PCSK4: variants seen among roughly 807,000 people sequenced by gnomAD.
PCSK4 encodes the protein proprotein convertase subtilisin/kexin type 4.
PCSK4 carries 64 observed loss-of-function variants against 80.3 expected under a neutral mutation model. That is an observed-to-expected ratio of 0.80 (90% CI 0.65 to 0.98). The LOEUF is 0.98. Among genes scored for constraint, PCSK4 ranks in the 50% least tolerant of loss-of-function variants. The pLI is 0.00. For missense variants in PCSK4, 1,213 were observed against 1,093.6 expected (o/e 1.11, Z -1.54); for synonymous variants, 561 against 487.6 (o/e 1.15, Z -1.98).
In PCSK4 at chr19:1,487,174, G is replaced by A. The variant is rs142753922; in HGVS notation, c.822C>T (p.Leu274=). 719 of 1,607,304 alleles carry A rather than the reference G, an allele frequency of 4.5e-4. 4 individuals carry two copies. In the African/African-American group the frequency reaches 7.2e-3, roughly 16 times the overall value. Residue 274 remains leucine (L), a synonymous_variant, in exon 7 of 15, where the codon CTC becomes CTT. Coordinates refer to ENST00000300954, the Ensembl canonical transcript of PCSK4. Reference sequence around the variant, plus strand: ...CACCACGCCGGAAGGCCTCGCGGGTGAGGATGCCGGGGCCGTCCACCGTGC... The same window carrying A: ...CACCACGCCGGAAGGCCTCGCGGGTAAGGATGCCGGGGCCGTCCACCGTGC...
chr19:1,483,706 G>C lies in PCSK4; in HGVS notation c.1335C>G (p.Thr445=), dbSNP rs780243044. The change falls in exon 11 of 15, where the codon ACC becomes ACG. Residue 445 remains threonine (T), a synonymous_variant. Coordinates refer to ENST00000300954, the Ensembl canonical transcript of PCSK4. ...TCCTCTGCGGCTGGGTGGGCAGCCA[G>C]GTGCGGGCGGTGTCCACCAGCAGCC... 14 of 1,596,294 alleles carry C rather than the reference G, an allele frequency of 8.8e-6. No individual in the cohort carries two copies. In the East Asian group the frequency reaches 2.9e-4, roughly 33 times the overall value.
intron 13 of PCSK4, 132 bp from the exon 14 acceptor site, chr19:1,482,607 G>C: frequency 8.7e-7 from 1 of 1,147,024 alleles, no homozygotes; most frequent in Non-Finnish European, 1.2e-6. Flanking sequence ...TCAGGGAATT[G>C]CACACCTACT....
chr19:1,484,983 A>G (rs1021893958), intron 8 of PCSK4, among the ~76,000 whole-genome samples: 10 of 149,918 alleles, frequency 6.7e-5, no homozygotes, highest in Admixed American at 4.6e-4. Context: ...CCGTCTCTAC[A>G]GGAAAAATAC....
intron 1 of PCSK4, 41 bp from the exon 2 acceptor site, chr19:1,489,938 T>C: frequency 1.9e-6 from 3 of 1,567,370 alleles, no homozygotes; most frequent in Non-Finnish European, 2.6e-6. Context: ...GGGACCCGGC[T>C]CCCCTGCTGA....
At chr19:1,485,240 A>T (rs2145369895) in intron 8 of PCSK4, among the ~76,000 whole-genome samples, 1 of 152,292 alleles carries the variant, frequency 6.6e-6, no homozygotes, top group Non-Finnish European at 1.5e-5. Flanking sequence ...GAGCCTGGCC[A>T]ACATGGTGAA....
rs761858955 is a variant in PCSK4, at chr19:1,483,735, C to T, written c.1306G>A (p.Ala436Thr). 12 of 1,593,802 alleles carry T rather than the reference C, an allele frequency of 7.5e-6. No homozygotes were observed. Among genetic ancestry groups the T allele is most frequent in the Admixed American group, 1.7e-5 (1 of 59,708 alleles). The change falls in exon 11 of 15, where the codon GCC becomes ACC. Residue 436 changes from alanine to threonine, a missense_variant. Transcript: ENST00000300954. Reference sequence around the variant, plus strand: ...CGGGCGGTGTCCACCAGCAGCCCGGCGTCCAGCAGCCCGTATCCGTAGTGA... The same window carrying T: ...CGGGCGGTGTCCACCAGCAGCCCGGTGTCCAGCAGCCCGTATCCGTAGTGA...
exon 13 of PCSK4, chr19:1,483,016 A>G (rs2084386998): frequency 3.2e-6 from 2 of 622,178 alleles, no homozygotes; most frequent in African/African-American, 2.0e-5. Flanking sequence ...CTGACGTCCA[A>G]GGGTCTGGGA....
upstream of PCSK4, chr19:1,490,627 G>C (rs1388946452): frequency 4.8e-6 from 2 of 415,158 alleles, no homozygotes; most frequent in East Asian, 7.6e-5. Flanking sequence ...TCACTGTTGC[G>C]ATAACGCGTC....
In PCSK4 at chr19:1,487,321, G is replaced by A. The variant is rs770926042; in HGVS notation, c.683-8C>T. On this transcript the variant is annotated splice_polypyrimidine_tract_variant and splice_region_variant and intron_variant, in intron 6 of 14. Coordinates refer to ENST00000300954, the Ensembl canonical transcript of PCSK4. ...CGTCCAGCATCCGTACGCCTGCAGA[G>A]CCAGGGCGGGAGGGCCGCTGCCACC... 1 of 1,579,316 alleles carries A rather than the reference G, an allele frequency of 6.3e-7. No homozygotes were observed. Among genetic ancestry groups the A allele is most frequent in the Non-Finnish European group, 8.6e-7 (1 of 1,167,412 alleles).
exon 9 of PCSK4, chr19:1,484,083 G>A: frequency 6.4e-7 from 1 of 1,567,090 alleles, no homozygotes; most frequent in East Asian, 2.4e-5. Flanking sequence ...AGGCCGAGGT[G>A]CCCGTGTGCT....
At chr19:1,484,584 G>A (rs560573727) in intron 8 of PCSK4, among the ~76,000 whole-genome samples, 21 of 151,898 alleles carry the variant, frequency 1.4e-4, no homozygotes, top group African/African-American at 4.3e-4. Flanking sequence ...TTGGGAGGCC[G>A]AGGTGGGTGG....
exon 15 of PCSK4, chr19:1,481,585 A>C: frequency 2.1e-6 from 1 of 482,814 alleles, no homozygotes; most frequent in Non-Finnish European, 3.6e-6. Flanking sequence ...TGCAGAGGAG[A>C]CTTCTCTCTC....
rs372126124 is a variant in PCSK4 at position 1,483,633 on chromosome 19, G to T, written c.1391+17C>A. ...CACCCCCAGCGGGGATAGCGGAGGG[G>T]CGCGCAGGGGTCTCACGTGGGGCGG... is the stretch of plus-strand genomic sequence containing the variant. On this transcript the variant is annotated intron_variant, in intron 11 of 14. Coordinates refer to ENST00000300954, the Ensembl canonical transcript of PCSK4. 1 of 1,554,444 alleles carries T rather than the reference G, an allele frequency of 6.4e-7. No homozygotes were observed. Among genetic ancestry groups the T allele is most frequent in the Non-Finnish European group, 8.7e-7 (1 of 1,149,822 alleles).
exon 8 of PCSK4, chr19:1,486,925 G>A: frequency 6.2e-7 from 1 of 1,604,890 alleles, no homozygotes; most frequent in Non-Finnish European, 8.5e-7. Flanking sequence ...CGCTGTACCA[G>A]GGCACGCGGC....
At chr19:1,486,044 C>T (rs1013002054) in intron 8 of PCSK4, among the ~76,000 whole-genome samples, 4 of 152,106 alleles carry the variant, frequency 2.6e-5, no homozygotes, top group Non-Finnish European at 5.9e-5. Context: ...GCAATCTTGG[C>T]TCACTGCAAC....
exon 7 of PCSK4, chr19:1,487,306 C>G: frequency 1.9e-6 from 3 of 1,589,514 alleles, no homozygotes; most frequent in Non-Finnish European, 2.6e-6. Context: ...CGTCCAGCAT[C>G]CGTACGCCTG....
exon 12 of PCSK4, chr19:1,483,292 C>G (rs755749993): frequency 6.3e-7 from 1 of 1,596,574 alleles, no homozygotes; most frequent in Non-Finnish European, 8.5e-7. Flanking sequence ...ACCGTATGGC[C>G]ACGAGTGTGG....
rs374231930 is a variant in PCSK4 at position 1,481,863 on chromosome 19, G to A, written c.2164C>T (p.Pro722Ser). Residue 722 changes from proline (P) to serine (S), a missense_variant, in exon 15 of 15, where the codon CCC (proline) becomes TCC (serine). Pro to Ser is a moderately conservative substitution (Grantham distance 74, BLOSUM62 -1). Transcript: ENST00000300954. Reference sequence around the variant, plus strand: ...TCCATGGACATGCCGCAGAGGACGGGGCCTCCGAGGGTCACGGCCAGGAGG... The same window carrying A: ...TCCATGGACATGCCGCAGAGGACGGAGCCTCCGAGGGTCACGGCCAGGAGG... 2.0e-5 allele frequency: 32 copies of A among 1,584,526 alleles called. No homozygotes were observed. In the African/African-American group the frequency reaches 3.5e-4, roughly 17 times the overall value.
At chr19:1,483,676 G>A (rs368806039) in exon 11 of PCSK4, 21 of 1,595,758 alleles carry the variant, frequency 1.3e-5, no homozygotes, top group Non-Finnish European at 1.8e-5. Context: ...CCCGGACGGC[G>A]CACTTCCTCT....
Sources: allele counts gnomAD v4.1 joint callset (sites outside exome capture counted in the v4.1 genomes callset), GRCh38; gene constraint gnomAD v4.1.1; transcripts MANE v1.5; gene names NCBI Gene and HGNC (gene_info 2026-07-23, HGNC 2026-07-21).